TFEC: variants seen among roughly 807,000 people sequenced by gnomAD.
The protein encoded by TFEC is transcription factor EC, also known as class E basic helix-loop-helix protein 34.
In TFEC, 31 loss-of-function variants were observed where a neutral mutation model predicts 41.6. The observed-to-expected ratio is 0.74, with a 90% CI of 0.56 to 1.01. TFEC has a LOEUF of 1.01. Ranked by LOEUF, TFEC falls within the 50% of genes least tolerant of loss-of-function variation. TFEC has a pLI of 0.00. For synonymous variants in TFEC, 143 were observed against 140.6 expected, an observed-to-expected ratio of 1.02 and a Z score of -0.12; for missense variants, 402 against 404.1, an observed-to-expected ratio of 0.99 and a Z score of 0.04.
chr7:116,025,040 C>G (rs1795536341), intron 1 of TFEC, among the ~76,000 whole-genome samples: 1 of 152,126 alleles, frequency 6.6e-6, no homozygotes, highest in Non-Finnish European at 1.5e-5. Context: ...AATTTAGAGA[C>G]AGCTCGGTAT....
chr7:115,974,961 T>A (rs574578007), intron 2 of TFEC, among the ~76,000 whole-genome samples: 1 of 152,176 alleles, frequency 6.6e-6, no homozygotes, highest in East Asian at 1.9e-4. Context: ...TTAATACTTA[T>A]AATCACTCAA....
At chr7:116,091,649 T>A (rs1469702479) in intron 3 of TFEC, among the ~76,000 whole-genome samples, 1 of 152,170 alleles carries the variant, frequency 6.6e-6, no homozygotes, top group African/African-American at 2.4e-5. Flanking sequence ...ATTGAGTCAA[T>A]TATACTCTAG....
At chr7:116,028,234 G>T (rs1769408186) in intron 1 of TFEC, among the ~76,000 whole-genome samples, 1 of 151,992 alleles carries the variant, frequency 6.6e-6, no homozygotes, top group Non-Finnish European at 1.5e-5. Context: ...CAATTTAATG[G>T]AATCACAAAA....
At chr7:116,048,227 C>A (rs1045618525) in intron 3 of TFEC, among the ~76,000 whole-genome samples, 11 of 152,108 alleles carry the variant, frequency 7.2e-5, no homozygotes, top group Admixed American at 1.3e-4. Flanking sequence ...AAGCTAAAAA[C>A]CTTGAAAAAA....
intron 1 of TFEC, among the ~76,000 whole-genome samples, chr7:116,016,557 T>C (rs1188038232): frequency 2.6e-5 from 4 of 152,136 alleles, no homozygotes; most frequent in African/African-American, 9.7e-5. Context: ...TCACTTTCCA[T>C]GTGAATGACA....
intron 1 of TFEC, among the ~76,000 whole-genome samples, chr7:116,025,828 C>T (rs1226302773): frequency 6.6e-6 from 1 of 152,198 alleles, no homozygotes; most frequent in African/African-American, 2.4e-5. Context: ...TCAATTTTCT[C>T]ATGAAGTACA....
chr7:116,035,533 G>A (rs1197049896), upstream of TFEC, among the ~76,000 whole-genome samples: 2 of 151,868 alleles, frequency 1.3e-5, no homozygotes, highest in African/African-American at 4.8e-5. Flanking sequence ...ATTCCATTGG[G>A]TACATTTGTT....
intron 3 of TFEC, among the ~76,000 whole-genome samples, chr7:116,096,434 A>G (rs1797462428): frequency 6.6e-6 from 1 of 152,252 alleles, no homozygotes; most frequent in South Asian, 2.1e-4. Flanking sequence ...AACAAAAGAA[A>G]AAAGGAAGGT....
chr7:115,969,855 C>T (rs1484902416), intron 3 of TFEC, among the ~76,000 whole-genome samples: 1 of 151,812 alleles, frequency 6.6e-6, no homozygotes, highest in Non-Finnish European at 1.5e-5. Flanking sequence ...ATGTAGATTA[C>T]AAAAACATAT....
intron 1 of TFEC, among the ~76,000 whole-genome samples, chr7:116,140,232 T>C (rs1256242258): frequency 6.6e-6 from 1 of 152,140 alleles, no homozygotes; most frequent in Non-Finnish European, 1.5e-5. Context: ...AAATAAAGCA[T>C]GACATGATGG....
chr7:116,127,795 C>A (rs1158911011), intron 1 of TFEC, among the ~76,000 whole-genome samples: 4 of 151,768 alleles, frequency 2.6e-5, no homozygotes, highest in Non-Finnish European at 5.9e-5. Flanking sequence ...TAAGTAATGG[C>A]TTGTCCTCCA....
At chr7:115,943,698 G>C (rs1221556185) in intron 6 of TFEC, among the ~76,000 whole-genome samples, 1 of 151,432 alleles carries the variant, frequency 6.6e-6, no homozygotes, top group Non-Finnish European at 1.5e-5. Context: ...ATATAGGGTG[G>C]TACCATATAA....
In TFEC at chr7:115,937,018, T is replaced by C. The variant is rs1386596076; in HGVS notation, c.*3533A>G. 1 of 151,528 alleles carries C rather than the reference T, an allele frequency of 6.6e-6. No individual in the cohort carries two copies. Among genetic ancestry groups the C allele is most frequent in the Non-Finnish European group, 1.5e-5 (1 of 67,662 alleles). 9.4% of individuals were successfully genotyped at this position (151,528 alleles called of 1,614,324 possible). A position where few individuals can be genotyped will look rare whatever the true frequency, so the allele number is the denominator to read the frequency against. ...AAGAAAAGGCACTAAAGAAAAAAAT[T>C]GTAAAGAGCTGTATCTACTCACAGG... On this transcript the variant is annotated 3_prime_UTR_variant, in exon 8 of 8. Coordinates refer to ENST00000265440, the MANE Select transcript of TFEC (RefSeq NM_012252.4).
At position 116,135,965 on chromosome 7, in the gene TFEC, A is replaced by C. The variant is rs150822550; in HGVS notation, c.-69+23825T>G. Among the ~76,000 whole-genome samples, 487 of 152,258 alleles carry C rather than the reference A, an allele frequency of 3.2e-3. 1 individual carries two copies. Among genetic ancestry groups the C allele is most frequent in the African/African-American group, 0.011 (467 of 41,576 alleles). ...AATTAGCTTTTAGGGTTCTCTGCAA[A>C]GACTAGTTCCTCACAGTGAATATTA... On this transcript the variant is annotated intron_variant, in intron 1 of 8. Transcript: ENST00000484212.
intron 1 of TFEC, among the ~76,000 whole-genome samples, chr7:116,125,551 A>C (rs1173553472): frequency 2.0e-5 from 3 of 152,214 alleles, no homozygotes; most frequent in Admixed American, 6.5e-5. Flanking sequence ...TGAATAAGGA[A>C]GCATGGAGAA....
chr7:116,106,103 AG>A (rs1290170156), intron 3 of TFEC, among the ~76,000 whole-genome samples: 1 of 152,184 alleles, frequency 6.6e-6, no homozygotes, highest in Non-Finnish European at 1.5e-5. Context: ...CATTCAACAC[AG>A]GGCTGACATA....
At position 115,935,483 on chromosome 7, in the gene TFEC, C is replaced by A. The variant is rs1793184628; in HGVS notation, c.*5068G>T. ...ATTAAATAGCTGAATTAATTTTAGC[C>A]TTGTATGCCATAAGCAACTGCTATG... On this transcript the variant is annotated 3_prime_UTR_variant, in exon 8 of 8. Coordinates refer to ENST00000265440, the MANE Select transcript of TFEC (RefSeq NM_012252.4). The A allele has an allele frequency of 6.6e-6, 1 of 151,936 alleles. No homozygotes were observed. Among genetic ancestry groups the A allele is most frequent in the Admixed American group, 6.6e-5 (1 of 15,214 alleles). 9.4% of individuals were successfully genotyped at this position (151,936 alleles called of 1,614,324 possible).
intron 1 of TFEC, among the ~76,000 whole-genome samples, chr7:116,134,092 T>C (rs1254132934): frequency 6.6e-6 from 1 of 152,218 alleles, no homozygotes; most frequent in African/African-American, 2.4e-5. Flanking sequence ...AAATTCTACA[T>C]GCTAAGGATG....
At chr7:116,050,406 G>T (rs555163327) in intron 3 of TFEC, among the ~76,000 whole-genome samples, 206 of 152,134 alleles carry the variant, frequency 1.4e-3, no homozygotes, top group African/African-American at 4.7e-3. Flanking sequence ...ATCTGAAAAA[G>T]GGCTAATATC....
Sources: gnomAD v4.1 joint callset for allele counts (sites outside exome capture counted in the v4.1 genomes callset) on GRCh38, gnomAD v4.1.1 for gene constraint, MANE v1.5 for transcripts, NCBI Gene and HGNC (gene_info 2026-07-23, HGNC 2026-07-21) for gene names.